DPYD: variants seen among roughly 807,000 people sequenced by gnomAD.
The protein encoded by DPYD is dihydropyrimidine dehydrogenase, also known as dihydropyrimidine dehydrogenase [NADP(+)].
DPYD carries 109 observed loss-of-function variants against 116.2 expected under a neutral mutation model. The observed-to-expected ratio is 0.94, with a 90% CI of 0.80 to 1.10. DPYD has a LOEUF of 1.10. DPYD is among the 50% of genes least tolerant of loss of function. DPYD has a pLI of 0.00. For synonymous variants in DPYD, 440 were observed against 432.0 expected, an observed-to-expected ratio of 1.02 and a Z score of -0.23; for missense variants, 1,302 against 1,254.5, an observed-to-expected ratio of 1.04 and a Z score of -0.57.
chr1:97,351,149 T>C (rs1394929312), intron 16 of DPYD, among the ~76,000 whole-genome samples: 2 of 152,272 alleles, frequency 1.3e-5, no homozygotes, highest in South Asian at 2.1e-4. Context: ...CAAAACTTCA[T>C]AGCTCTTTAT....
chr1:97,835,316 C>G (rs890158525), intron 2 of DPYD, among the ~76,000 whole-genome samples: 3 of 151,932 alleles, frequency 2.0e-5, no homozygotes, highest in African/African-American at 7.2e-5. Context: ...ATTATCCACT[C>G]AAAGTGTTAT....
At chr1:97,290,636 T>G (rs1413279783) in intron 18 of DPYD, among the ~76,000 whole-genome samples, 4 of 152,148 alleles carry the variant, frequency 2.6e-5, no homozygotes, top group Admixed American at 2.6e-4. Flanking sequence ...TAGCCATATG[T>G]AGAAAGCTGA....
chr1:97,393,919 G>A (rs1672861500), intron 14 of DPYD, among the ~76,000 whole-genome samples: 2 of 152,132 alleles, frequency 1.3e-5, no homozygotes, highest in South Asian at 4.1e-4. Context: ...CAGTGTAAAA[G>A]TGTTCCTATT....
chr1:97,311,837 T>C (rs761444578), intron 16 of DPYD, among the ~76,000 whole-genome samples: 2 of 151,882 alleles, frequency 1.3e-5, no homozygotes, highest in Non-Finnish European at 2.9e-5. Context: ...GTATACAATA[T>C]AATTTGATTC....
intron 14 of DPYD, among the ~76,000 whole-genome samples, chr1:97,424,288 G>A (rs1052798607): frequency 2.0e-5 from 3 of 152,012 alleles, no homozygotes; most frequent in Non-Finnish European, 4.4e-5. Context: ...TAGAACTTTT[G>A]ATAGGATAGT....
intron 14 of DPYD, among the ~76,000 whole-genome samples, chr1:97,400,995 A>G (rs574819236): frequency 6.6e-6 from 1 of 152,162 alleles, no homozygotes; most frequent in East Asian, 1.9e-4. Flanking sequence ...AGTGTTATGA[A>G]TTTTGGCTAT....
intron 20 of DPYD, among the ~76,000 whole-genome samples, chr1:97,143,825 C>T (rs1247681425): frequency 6.6e-6 from 1 of 152,166 alleles, no homozygotes; most frequent in African/African-American, 2.4e-5. Context: ...TATATCTCAT[C>T]TTTCAAATTT....
chr1:97,303,516 A>G (rs1204672599), intron 18 of DPYD, among the ~76,000 whole-genome samples: 1 of 152,038 alleles, frequency 6.6e-6, no homozygotes, highest in Non-Finnish European at 1.5e-5. Context: ...GTTTTGCTAT[A>G]ACTCATACTG....
chr1:97,865,455 T>A (rs543183841), intron 2 of DPYD, among the ~76,000 whole-genome samples: 3 of 151,960 alleles, frequency 2.0e-5, no homozygotes, highest in Non-Finnish European at 4.4e-5. Flanking sequence ...GGGTATTCAT[T>A]CATTTATGTG....
intron 2 of DPYD, among the ~76,000 whole-genome samples, chr1:97,865,693 A>T (rs1439661882): frequency 6.6e-6 from 1 of 151,976 alleles, no homozygotes; most frequent in East Asian, 1.9e-4. Flanking sequence ...TGCCAATTAT[A>T]CTATGAATAT....
chr1:97,862,019 T>C (rs1161991907), intron 2 of DPYD, among the ~76,000 whole-genome samples: 1 of 151,872 alleles, frequency 6.6e-6, no homozygotes, highest in African/African-American at 2.4e-5. Flanking sequence ...TGAATAGAAG[T>C]GTAGATCCTA....
At chr1:97,691,260 T>C (rs954247534) in intron 7 of DPYD, 3 of 154,168 alleles carry the variant, frequency 1.9e-5, no homozygotes, top group Non-Finnish European at 4.3e-5. Flanking sequence ...TCCCACTGAT[T>C]TACTGCTTGT....
rs965757542 is a variant in DPYD at position 97,883,295 on chromosome 1, T to C, written c.119A>G (p.His40Arg). ...STSAKKLDKK[H>R]WKRNPDKNCF... ...GTTCTTATCAGGATTTCTTTTCCAA[T>C]GTTTCTTGTCTAATTTCTTGGCCGA... The change falls in exon 2 of 23, where the codon CAT becomes CGT. Residue 40 changes from histidine (H) to arginine (R), a missense_variant. Physicochemically the swap from His to Arg is conservative, Grantham distance 29. Coordinates refer to ENST00000370192, the MANE Select transcript of DPYD (RefSeq NM_000110.4). 2 of 1,612,358 alleles carry C rather than the reference T, an allele frequency of 1.2e-6. No individual in the cohort carries two copies. Among genetic ancestry groups the C allele is most frequent in the Non-Finnish European group, 8.5e-7 (1 of 1,178,808 alleles).
chr1:97,226,648 T>G (rs942162932), intron 19 of DPYD, among the ~76,000 whole-genome samples: 2 of 152,068 alleles, frequency 1.3e-5, no homozygotes, highest in Non-Finnish European at 1.5e-5. Context: ...AAATAAACAC[T>G]TAGCGATAAA....
In DPYD at chr1:97,082,452, G is replaced by A. The variant is rs1570425482; in HGVS notation, c.2785C>T (p.Leu929=). 2 of 1,613,492 alleles carry A rather than the reference G, an allele frequency of 1.2e-6. No individual in the cohort carries two copies. The highest frequency in any genetic ancestry group is 8.5e-7 in the Non-Finnish European group (1 of 1,179,572). The part of the protein sequence containing the change: ...PTIKDVIGKA[L]QYLGTFGELS... ...TCACCAAATGTTCCAAGGTACTGCA[G>A]TGCTTTTCCTATTACATCCTAAAAA... Residue 929 remains leucine, a synonymous_variant, in exon 22 of 23, where the codon CTG becomes TTG. Transcript: ENST00000370192.
chr1:97,820,020 T>G (rs1668836639), intron 3 of DPYD, among the ~76,000 whole-genome samples: 1 of 152,142 alleles, frequency 6.6e-6, no homozygotes, highest in South Asian at 2.1e-4. Flanking sequence ...TCTTTAAATC[T>G]TATTCAGAGG....
chr1:97,774,896 C>A, intron 3 of DPYD: 1 of 257,954 alleles, frequency 3.9e-6, no homozygotes. Context: ...AGGGAAAAAC[C>A]TTTTGAATGT....
At chr1:97,487,903 C>T (rs1461018971) in intron 13 of DPYD, among the ~76,000 whole-genome samples, 4 of 152,092 alleles carry the variant, frequency 2.6e-5, no homozygotes, top group African/African-American at 9.6e-5. Flanking sequence ...ACCATATGAC[C>T]CATCAATTGC....
intron 13 of DPYD, among the ~76,000 whole-genome samples, chr1:97,510,166 T>C (rs1647674942): frequency 6.7e-6 from 1 of 149,438 alleles, no homozygotes; most frequent in African/African-American, 2.4e-5. Flanking sequence ...AGATAATCAG[T>C]AGCCCAGAAG....
Sources: allele counts gnomAD v4.1 joint callset (sites outside exome capture counted in the v4.1 genomes callset), GRCh38; gene constraint gnomAD v4.1.1; transcripts MANE v1.5; gene names NCBI Gene and HGNC (gene_info 2026-07-23, HGNC 2026-07-21).